Variants in TMEM161B observed in about 807,000 individuals in gnomAD.
TMEM161B encodes transmembrane protein 161B.
In TMEM161B, 34 loss-of-function variants were observed where a neutral mutation model predicts 61.8. That is an observed-to-expected ratio of 0.55 (90% CI 0.42 to 0.73). The LOEUF (loss-of-function observed/expected upper bound fraction) is 0.73, where lower values mean the gene tolerates loss of function less well. TMEM161B is among the 30% of genes least tolerant of loss of function. The pLI is 0.00. For missense variants in TMEM161B, 456 were observed against 558.5 expected (o/e 0.82, Z 1.85); for synonymous variants, 167 against 192.8 (o/e 0.87, Z 1.11).
chr5:88,246,933 A>G (rs1753694047), intron 1 of TMEM161B, among the ~76,000 whole-genome samples: 1 of 152,026 alleles, frequency 6.6e-6, no homozygotes, highest in Admixed American at 6.6e-5. Flanking sequence ...TAACTGACCA[A>G]AGAGATGGTT....
intron 1 of TMEM161B, among the ~76,000 whole-genome samples, chr5:88,265,017 ATC>A (rs1561437456): frequency 6.6e-6 from 1 of 152,172 alleles, no homozygotes; most frequent in Non-Finnish European, 1.5e-5. Flanking sequence ...GGGTTGATAA[ATC>A]CAGCAAAACC....
At position 88,268,653 on chromosome 5, in the gene TMEM161B, T is replaced by A. The variant is rs571921119; in HGVS notation, c.3+68A>T. 10 of 1,610,190 alleles carry A rather than the reference T, an allele frequency of 6.2e-6. No homozygotes were observed. In the East Asian group the frequency reaches 2.2e-4, roughly 36 times the overall value. On this transcript the variant is annotated intron_variant, in intron 1 of 11. Coordinates refer to ENST00000296595, the MANE Select transcript of TMEM161B (RefSeq NM_153354.5). ...TGAGCAGAGCACCTGATGGCTCTTT[T>A]CACAGTACTGACCTCCCCGCCCTTT...
chr5:88,262,951 C>T (rs1755868479), intron 1 of TMEM161B, among the ~76,000 whole-genome samples: 1 of 152,082 alleles, frequency 6.6e-6, no homozygotes, highest in Non-Finnish European at 1.5e-5. Flanking sequence ...AAATCTATTA[C>T]ATGAAATTTC....
chr5:88,222,504 T>TC (rs1490828592), intron 4 of TMEM161B, among the ~76,000 whole-genome samples: 4 of 152,178 alleles, frequency 2.6e-5, no homozygotes, highest in African/African-American at 9.7e-5. Context: ...TACTGGGCTT[T>TC]CATCTGGAAG....
chr5:88,196,374 A>G lies in TMEM161B; in HGVS notation c.1301T>C (p.Val434Ala), dbSNP rs1162804016. The G allele has an allele frequency of 1.9e-6, 3 of 1,613,452 alleles. No individual in the cohort carries two copies. Among genetic ancestry groups the G allele is most frequent in the Non-Finnish European group, 2.5e-6 (3 of 1,179,580 alleles). The change falls in exon 12 of 12, where the codon GTA (valine) becomes GCA (alanine). Residue 434 changes from valine to alanine, a missense_variant. By Grantham distance (64) the Val-to-Ala change is moderately conservative. Coordinates refer to ENST00000296595, the MANE Select transcript of TMEM161B (RefSeq NM_153354.5). ...TGCCACTGTTATTTGTGTAACAGTT[A>G]CCTTCATTTTCCCTTCAGCTGATGG... ...ELPSAEGKMKVTVTQITVALS... is the reference protein window; with the variant it reads ...ELPSAEGKMKATVTQITVALS...
intron 9 of TMEM161B, chr5:88,202,247 C>T (rs1010740581): frequency 5.1e-6 from 2 of 390,018 alleles, no homozygotes; most frequent in African/African-American, 4.2e-5. Context: ...AACAGTTCTA[C>T]AAGGCTAACA....
chr5:88,265,075 C>T (rs1756203438), intron 1 of TMEM161B, among the ~76,000 whole-genome samples: 1 of 152,018 alleles, frequency 6.6e-6, no homozygotes, highest in Admixed American at 6.6e-5. Context: ...ATGTTCCGTA[C>T]ATGTATCCCA....
downstream of TMEM161B, among the ~76,000 whole-genome samples, chr5:88,193,851 A>C (rs1434343014): frequency 6.6e-6 from 1 of 152,168 alleles, no homozygotes; most frequent in Admixed American, 6.5e-5. Context: ...CTTATTATAA[A>C]ACAAACACAT....
At chr5:88,237,743 A>C (rs1473937703) in intron 2 of TMEM161B, among the ~76,000 whole-genome samples, 1 of 152,116 alleles carries the variant, frequency 6.6e-6, no homozygotes, top group Non-Finnish European at 1.5e-5. Flanking sequence ...AAAAAAGTTT[A>C]AAAGAACAGT....
At chr5:88,226,028 A>G (rs1327914865) in intron 3 of TMEM161B, among the ~76,000 whole-genome samples, 162 bp from the exon 4 acceptor site, 1 of 152,246 alleles carries the variant, frequency 6.6e-6, no homozygotes, top group East Asian at 1.9e-4. Flanking sequence ...GGTAGTTTTT[A>G]AAGGGGTACT....
At chr5:88,208,436 C>G (rs1024977780) in intron 5 of TMEM161B, among the ~76,000 whole-genome samples, 4 of 150,008 alleles carry the variant, frequency 2.7e-5, no homozygotes, top group African/African-American at 7.4e-5. Context: ...GAGCTGAGAT[C>G]GCGCCACTGC....
chr5:88,230,577 T>C (rs529897350), intron 2 of TMEM161B, among the ~76,000 whole-genome samples: 7 of 152,284 alleles, frequency 4.6e-5, no homozygotes, highest in African/African-American at 1.4e-4. Context: ...CCATTCCCAT[T>C]TGAAGGTGAC....
intron 1 of TMEM161B, among the ~76,000 whole-genome samples, chr5:88,257,156 CTA>C: frequency 6.6e-6 from 1 of 152,174 alleles, no homozygotes; most frequent in African/African-American, 2.4e-5. Flanking sequence ...GTAATCCCAG[CTA>C]CTTGGGAGGC....
At chr5:88,253,094 T>A (rs1469833346) in intron 1 of TMEM161B, among the ~76,000 whole-genome samples, 2 of 152,106 alleles carry the variant, frequency 1.3e-5, no homozygotes, top group Admixed American at 6.6e-5. Context: ...CCCAAATAAT[T>A]TTGGGTAAAT....
rs1231448017 is a variant in TMEM161B, at chr5:88,244,542, T to C, written c.4-3626A>G. 2.0e-5 allele frequency among the ~76,000 whole-genome samples: 3 copies of C among 151,372 alleles called. No individual in the cohort carries two copies. In the East Asian group the frequency reaches 5.8e-4, roughly 29 times the overall value. On this transcript the variant is annotated intron_variant, in intron 1 of 11. Transcript: ENST00000296595. ...CAACGTTTTGGTTACTATAGCCTTG[T>C]GGTATAATTTGAAGTCGAGTAATGT...
At chr5:88,207,668 A>G (rs1419009259) in intron 5 of TMEM161B, among the ~76,000 whole-genome samples, 3 of 152,176 alleles carry the variant, frequency 2.0e-5, no homozygotes, top group South Asian at 2.1e-4. Context: ...ACAAGTTCCA[A>G]CTGAGTATTC....
At chr5:88,217,653 G>A (rs918377540) in intron 5 of TMEM161B, among the ~76,000 whole-genome samples, 1 of 152,130 alleles carries the variant, frequency 6.6e-6, no homozygotes. Flanking sequence ...AAAGTAACCA[G>A]TTCAATCTGC....
Position 88,220,632 on chromosome 5 carries a change from T to A in TMEM161B, c.377A>T (p.Asn126Ile), listed in dbSNP as rs759556092. Residue 126 changes from asparagine to isoleucine, a missense_variant, in exon 5 of 12, where the codon AAT becomes ATT. By Grantham distance (149) the Asn-to-Ile change is moderately radical. Around this residue, in one of 3 missense-constraint regions of TMEM161B, gnomAD observed 367 missense variants for 427.3 expected, o/e 0.86. Transcript: ENST00000296595. Reference protein sequence around the residue: ...VVYLVTEVYYNFMKPTQEMNI... With the variant: ...VVYLVTEVYYIFMKPTQEMNI... ...CATTTCCTGTGTAGGCTTCATAAAA[T>A]TGTAGTAGACTTCAGTTACTAGATA... is the stretch of plus-strand genomic sequence containing the variant. The A allele has an allele frequency of 1.9e-6, 3 of 1,604,500 alleles. No individual in the cohort carries two copies. In the South Asian group the frequency reaches 3.4e-5, roughly 18 times the overall value.
intron 5 of TMEM161B, among the ~76,000 whole-genome samples, chr5:88,216,950 G>A (rs1045844070): frequency 2.0e-5 from 3 of 152,210 alleles, no homozygotes; most frequent in Non-Finnish European, 4.4e-5. Flanking sequence ...TGCTATACTT[G>A]ATCTGCAAGG....
Sources: gnomAD v4.1 joint callset for allele counts (sites outside exome capture counted in the v4.1 genomes callset) on GRCh38, gnomAD v4.1.1 for gene constraint, gnomAD v4.1.1 regional missense constraint, MANE v1.5 for transcripts, NCBI Gene and HGNC (gene_info 2026-07-23, HGNC 2026-07-21) for gene names.